The following OFD1 variants were observed in gnomAD, a reference collection of about 807,000 sequenced individuals.
OFD1 encodes centriole and centriolar satellite protein OFD1.
OFD1 carries 12 observed loss-of-function variants against 81.4 expected under a neutral mutation model. The ratio of observed to expected loss-of-function variants is 0.15; its 90% CI spans 0.09 to 0.24. The LOEUF is 0.24. Among genes scored for constraint, OFD1 ranks in the 10% least tolerant of loss-of-function variants. OFD1 has a pLI of 1.00. For missense variants in OFD1, 685 were observed against 733.9 expected (o/e 0.93, Z 0.77); for synonymous variants, 256 against 263.7 (o/e 0.97, Z 0.28).
intron 1 of OFD1, 23 bp downstream of exon 1, chrX:13,735,106 G>A: frequency 8.3e-7 from 1 of 1,205,445 alleles, no homozygotes; most frequent in Non-Finnish European, 1.1e-6. Flanking sequence ...GCCCCTTCTC[G>A]GGCGGAAATA....
At chrX:13,754,024 T>C (rs895191006) in intron 11 of OFD1, among the ~76,000 whole-genome samples, 12 of 108,626 alleles carry the variant, frequency 1.1e-4, no homozygotes, top group South Asian at 4.1e-4. Flanking sequence ...CTCTGTCACC[T>C]AGGCTGGAGT....
In OFD1 at chrX:13,739,042, G is replaced by A. The variant is rs201837087; in HGVS notation, c.412+10G>A. On this transcript the variant is annotated intron_variant, in intron 5 of 22. Transcript: ENST00000340096. ...AAAGAAAATCAAAAAGGTAGGAGCC[G>A]TCATCTTTGTAGAGAACAGCAACAG... 4.3e-5 allele frequency: 51 copies of A among 1,196,046 alleles called. No homozygotes were observed. Among genetic ancestry groups the A allele is most frequent in the East Asian group, 5.9e-5 (2 of 33,615 alleles).
At chrX:13,724,360 G>A in the OFD1 span, among the ~76,000 whole-genome samples, 1 of 106,132 alleles carries the variant, frequency 9.4e-6, no homozygotes, top group African/African-American at 3.5e-5. Flanking sequence ...GCATCAGAAG[G>A]GCAAAGGCCT....
At chrX:13,748,193 T>C (rs1271527194) in intron 8 of OFD1, among the ~76,000 whole-genome samples, 1 of 112,402 alleles carries the variant, frequency 8.9e-6, no homozygotes, top group East Asian at 2.8e-4. Flanking sequence ...TTTGAGATGA[T>C]TGGATTGTGT....
chrX:13,724,929 C>T, the OFD1 span, among the ~76,000 whole-genome samples: 3 of 113,363 alleles, frequency 2.6e-5, no homozygotes, highest in East Asian at 2.8e-4. Context: ...TCTTAGCAAC[C>T]GGCAGACAAG....
At position 13,736,597 on chromosome X, in the gene OFD1, A is replaced by G; in HGVS notation, c.231A>G (p.Leu77=). 8.3e-7 allele frequency: 1 copy of G among 1,210,344 alleles called. No homozygotes were observed. Among genetic ancestry groups the G allele is most frequent in the Middle Eastern group, 2.3e-4 (1 of 4,347 alleles). ...SSLLIGASNS[L]VADHLQRCGY... ...TCTTAATAGGCGCCTCTAACTCTTT[A>G]GTGGCAGATCACTTACAAAGATGTG... Residue 77 remains leucine, a synonymous_variant, in exon 3 of 23, where the codon TTA becomes TTG. Transcript: ENST00000340096.
the OFD1 span, chrX:13,722,119 A>G: frequency 3.8e-5 from 4 of 105,321 alleles, no homozygotes; most frequent in African/African-American, 1.4e-4. Flanking sequence ...GTAAACAATG[A>G]TATCATGAAT....
At position 13,734,926 on chromosome X, in the gene OFD1, C is replaced by T. The variant is rs1040263624; in HGVS notation, c.-146C>T. On this transcript the variant is annotated 5_prime_UTR_variant, in exon 1 of 23. Coordinates refer to ENST00000340096, the MANE Select transcript of OFD1 (RefSeq NM_003611.3). ...AGTGCGAGGCAGAGAACGTTCAGCA[C>T]CTTTGTTCCTCCCGAACCCTCGGGA... 2.7e-6 allele frequency: 3 copies of T among 1,107,103 alleles called. No individual in the cohort carries two copies. In the African/African-American group the frequency reaches 5.6e-5, roughly 21 times the overall value. The allele number at this position is 1,107,103 out of a possible 1,213,427, so 91.2% of individuals were successfully genotyped here. A position where few individuals can be genotyped will look rare whatever the true frequency, so the allele number is the denominator to read the frequency against.
chrX:13,771,764 C>T (rs1265016276), downstream of OFD1: 1 of 112,301 alleles, frequency 8.9e-6, no homozygotes, highest in Non-Finnish European at 1.9e-5. Flanking sequence ...TTGAAAATGG[C>T]TTAAACTCAA....
chrX:13,735,052 C>G lies in OFD1; in HGVS notation c.-20C>G. 1 of 1,187,937 alleles carries G rather than the reference C, an allele frequency of 8.4e-7. No individual in the cohort carries two copies. Among genetic ancestry groups the G allele is most frequent in the East Asian group, 3.0e-5 (1 of 33,091 alleles). ...CGCGGCGGGGCGAGCGAGGCGGGCTCCGGAGGGAGCTGACGCCTGATGATG... is the reference window on the plus strand; with the variant it reads ...CGCGGCGGGGCGAGCGAGGCGGGCTGCGGAGGGAGCTGACGCCTGATGATG... On this transcript the variant is annotated 5_prime_UTR_variant, in exon 1 of 23. Transcript: ENST00000340096.
At chrX:13,752,982 A>T in intron 10 of OFD1, 3 of 900,077 alleles carry the variant, frequency 3.3e-6, no homozygotes, top group Non-Finnish European at 4.1e-6. Flanking sequence ...CAGATGGTAC[A>T]GGTGGATTGG....
At chrX:13,760,840 C>A in intron 16 of OFD1, 120 bp downstream of exon 16, 1 of 971,288 alleles carries the variant, frequency 1.0e-6, no homozygotes, top group Non-Finnish European at 1.4e-6. Context: ...GTTTGGCACA[C>A]AGAGCTGTTT....
intron 19 of OFD1, among the ~76,000 whole-genome samples, chrX:13,765,303 T>C (rs1024039194): frequency 9.0e-6 from 1 of 111,180 alleles, no homozygotes; most frequent in Non-Finnish European, 1.9e-5. Context: ...CTACAAAATA[T>C]ACACCAGAGT....
chrX:13,746,461 C>T lies in OFD1; in HGVS notation c.654+6C>T. ...GGGCAGAAATGTGTCAAAAGGTAAG[C>T]TTTATCTTGTTACTGTAAACAAGAG... On this transcript the variant is annotated splice_donor_region_variant and intron_variant, in intron 7 of 22. Coordinates refer to ENST00000340096, the MANE Select transcript of OFD1 (RefSeq NM_003611.3). The T allele has an allele frequency of 8.3e-7, 1 of 1,207,658 alleles. No individual in the cohort carries two copies. The highest frequency in any genetic ancestry group is 1.1e-6 in the Non-Finnish European group (1 of 891,886).
chrX:13,721,547 A>G, the OFD1 span: 1 of 112,169 alleles, frequency 8.9e-6, no homozygotes, highest in African/African-American at 3.2e-5. Flanking sequence ...GAGGTGTGTT[A>G]GAAGCCAAGA....
At chrX:13,759,651 A>G (rs1224447417) in intron 15 of OFD1, among the ~76,000 whole-genome samples, 1 of 112,162 alleles carries the variant, frequency 8.9e-6, no homozygotes. Context: ...TATGCTGTGG[A>G]TTTCGCAATA....
chrX:13,762,956 G>C (rs1310112111), intron 18 of OFD1, among the ~76,000 whole-genome samples: 1 of 111,236 alleles, frequency 9.0e-6, no homozygotes, highest in East Asian at 2.8e-4. Flanking sequence ...TTTTAGTAGA[G>C]ATGGGGTTTC....
At chrX:13,719,995 A>C in the OFD1 span, 1 of 1,018,298 alleles carries the variant, frequency 9.8e-7, no homozygotes, top group Non-Finnish European at 1.3e-6. Flanking sequence ...AATTAAGTGA[A>C]AAATAGTACA....
At chrX:13,770,444 C>A (rs192707573), downstream of OFD1, among the ~76,000 whole-genome samples, 1 of 112,203 alleles carries the variant, frequency 8.9e-6, no homozygotes, top group African/African-American at 3.2e-5. Context: ...AATGCATAAT[C>A]ATGTTGAGAG....
Sources: gnomAD v4.1 joint callset for allele counts (sites outside exome capture counted in the v4.1 genomes callset) on GRCh38, gnomAD v4.1.1 for gene constraint, MANE v1.5 for transcripts, NCBI Gene and HGNC (gene_info 2026-07-23, HGNC 2026-07-21) for gene names.